Variants in KCNU1 observed in about 807,000 individuals in gnomAD.
KCNU1 encodes the protein potassium calcium-activated channel subfamily U member 1.
A neutral mutation model predicts 126.8 loss-of-function variants in KCNU1; 93 were observed. The ratio of observed to expected loss-of-function variants is 0.73; its 90% CI spans 0.62 to 0.87. KCNU1 has a LOEUF of 0.87. KCNU1 is among the 40% of genes least tolerant of loss of function. The pLI is 0.00. For missense variants in KCNU1, 1,330 were observed against 1,367.1 expected, an observed-to-expected ratio of 0.97 and a Z score of 0.43; for synonymous variants, 523 against 494.2, an observed-to-expected ratio of 1.06 and a Z score of -0.77.
At chr8:36,861,560 T>G (rs1343744279) in intron 18 of KCNU1, among the ~76,000 whole-genome samples, 1 of 152,220 alleles carries the variant, frequency 6.6e-6, no homozygotes, top group Admixed American at 6.5e-5. Context: ...TCTGTTGCCC[T>G]GTTGCTTTTT....
chr8:36,833,474 C>T, intron 10 of KCNU1, 80 bp from the exon 11 acceptor site: 1 of 779,332 alleles, frequency 1.3e-6, no homozygotes, highest in South Asian at 1.5e-5. Flanking sequence ...ACTAAATGCA[C>T]CAAATTAGTT....
chr8:36,865,011 T>C (rs1054132251), intron 19 of KCNU1, among the ~76,000 whole-genome samples: 1 of 152,160 alleles, frequency 6.6e-6, no homozygotes, highest in African/African-American at 2.4e-5. Flanking sequence ...ACCTGCTTAG[T>C]TGATTTTAAT....
At chr8:36,834,930 C>T in intron 12 of KCNU1, 62 bp downstream of exon 12, 3 of 1,037,146 alleles carry the variant, frequency 2.9e-6, no homozygotes, top group Admixed American at 2.0e-5. Context: ...TAAAGTAATG[C>T]CCGGTACATA....
chr8:36,878,781 ATATAAT>A (rs1806362156), intron 19 of KCNU1, among the ~76,000 whole-genome samples: 1 of 148,806 alleles, frequency 6.7e-6, no homozygotes, highest in South Asian at 2.1e-4. Flanking sequence ...TATATATAAA[ATATAAT>A]TATACATATA....
chr8:36,797,657 C>A (rs1447460992), intron 2 of KCNU1, among the ~76,000 whole-genome samples: 3 of 151,116 alleles, frequency 2.0e-5, no homozygotes, highest in Non-Finnish European at 4.4e-5. Flanking sequence ...TAAAGAAGTG[C>A]CCATATTCAT....
chr8:36,803,922 G>C, intron 2 of KCNU1, 105 bp from the exon 3 acceptor site: 1 of 743,476 alleles, frequency 1.3e-6, no homozygotes, highest in Non-Finnish European at 2.4e-6. Context: ...GTGAATAAAT[G>C]GCTACACGTA....
intron 14 of KCNU1, among the ~76,000 whole-genome samples, chr8:36,839,927 A>G (rs1314157946): frequency 2.0e-5 from 3 of 152,112 alleles, no homozygotes; most frequent in Non-Finnish European, 2.9e-5. Flanking sequence ...CTGGAAACCT[A>G]CTTTTTGCCT....
chr8:36,784,779 C>G (rs114705542), intron 1 of KCNU1, among the ~76,000 whole-genome samples, 174 bp downstream of exon 1: 2,279 of 152,224 alleles, frequency 0.015, 61 homozygotes, highest in African/African-American at 0.053. Flanking sequence ...CATTCTGAGG[C>G]CTGAAGAGAC....
chr8:36,927,234 A>G (rs1246253075), intron 24 of KCNU1, among the ~76,000 whole-genome samples: 3 of 152,186 alleles, frequency 2.0e-5, no homozygotes, highest in Non-Finnish European at 2.9e-5. Context: ...TCAATGTAGA[A>G]TAATAGGTTT....
chr8:36,857,622 TTTGTTTTTTG>T (rs1805573423), intron 18 of KCNU1, among the ~76,000 whole-genome samples: 1 of 130,406 alleles, frequency 7.7e-6, no homozygotes, highest in South Asian at 2.4e-4. Context: ...TTGTTTGTTG[TTTGTTTTTTG>T]TTTTTTTGTT....
At chr8:36,804,602 A>G (rs1331830827) in intron 3 of KCNU1, among the ~76,000 whole-genome samples, 1 of 152,200 alleles carries the variant, frequency 6.6e-6, no homozygotes, top group Non-Finnish European at 1.5e-5. Flanking sequence ...GGGTTAGGGC[A>G]GCTATTTTGG....
chr8:36,806,152 T>C lies in KCNU1; in HGVS notation c.469-117T>C. ...TATATGTGTCTGTGTATATGTAAAA[T>C]AGAAGGAGATCAAGGCTTCAGCTGA... On this transcript the variant is annotated intron_variant, in intron 4 of 26. Transcript: ENST00000399881. The C allele has an allele frequency of 4.9e-6, 3 of 616,220 alleles. No individual in the cohort carries two copies. The South Asian group carries it at 6.6e-5, about 14-fold the overall frequency. 38.2% of individuals were successfully genotyped at this position (616,220 alleles called of 1,614,324 possible).
chr8:36,927,764 A>G (rs1299190420), intron 24 of KCNU1, among the ~76,000 whole-genome samples: 1 of 152,168 alleles, frequency 6.6e-6, no homozygotes, highest in African/African-American at 2.4e-5. Flanking sequence ...CATTATGGGC[A>G]GCAACATTTT....
chr8:36,877,077 T>G (rs1806302031), intron 19 of KCNU1, among the ~76,000 whole-genome samples: 1 of 152,152 alleles, frequency 6.6e-6, no homozygotes, highest in African/African-American at 2.4e-5. Flanking sequence ...CTCTGTTACC[T>G]GCACTTAGAA....
Position 36,869,859 on chromosome 8 carries a change from T to C in KCNU1, c.2009+5338T>C, listed in dbSNP as rs974408310. Among the ~76,000 whole-genome samples the C allele has an allele frequency of 3.9e-5, 6 of 152,158 alleles. No homozygotes were observed. In the South Asian group the frequency reaches 1.2e-3, roughly 32 times the overall value. On this transcript the variant is annotated intron_variant, in intron 19 of 26. Coordinates refer to ENST00000399881, the MANE Select transcript of KCNU1 (RefSeq NM_001031836.3). ...CTCTGGTTCTTAGACTTCTACGTTTTTGCTACCACTTTCTTTCACATTTTA... is the reference window on the plus strand; with the variant it reads ...CTCTGGTTCTTAGACTTCTACGTTTCTGCTACCACTTTCTTTCACATTTTA...
intron 16 of KCNU1, among the ~76,000 whole-genome samples, chr8:36,844,966 TTC>T (rs1805090537): frequency 6.6e-6 from 1 of 152,140 alleles, no homozygotes; most frequent in South Asian, 2.1e-4. Flanking sequence ...TAATACAATA[TTC>T]TCAAACACAT....
At chr8:36,911,244 T>G (rs1807863200) in intron 22 of KCNU1, 125 bp downstream of exon 22, 8 of 673,810 alleles carry the variant, frequency 1.2e-5, no homozygotes, top group Non-Finnish European at 1.9e-5. Context: ...CTGAGGTCCC[T>G]TCCAATCCTG....
chr8:36,803,923 G>C, intron 2 of KCNU1, 104 bp from the exon 3 acceptor site: 1 of 747,914 alleles, frequency 1.3e-6, no homozygotes. Context: ...TGAATAAATG[G>C]CTACACGTAC....
chr8:36,806,349 T>C lies in KCNU1; in HGVS notation c.549T>C (p.Phe183=). 1 of 1,607,100 alleles carries C rather than the reference T, an allele frequency of 6.2e-7. No individual in the cohort carries two copies. The highest frequency in any genetic ancestry group is 8.5e-7 in the Non-Finnish European group (1 of 1,175,816). Residue 183 remains phenylalanine, a synonymous_variant, in exon 5 of 27, where the codon TTT becomes TTC. Transcript: ENST00000399881. The part of the protein sequence containing the change: ...IVDIFTIPPT[F]ISYYLKSNWL... The stretch of plus-strand genomic sequence containing the variant: ...ACATCTTTACCATCCCACCAACCTT[T>C]ATTTCTTATTATTTGAAGAGCAATT...
Sources: gnomAD v4.1 joint callset for allele counts (sites outside exome capture counted in the v4.1 genomes callset) on GRCh38, gnomAD v4.1.1 for gene constraint, MANE v1.5 for transcripts, NCBI Gene and HGNC (gene_info 2026-07-23, HGNC 2026-07-21) for gene names.